NKAIN2: variants seen among roughly 807,000 people sequenced by gnomAD.
NKAIN2 encodes sodium/potassium-transporting ATPase subunit beta-1-interacting protein 2.
In NKAIN2, 14 loss-of-function variants were observed where a neutral mutation model predicts 32.6. The ratio of observed to expected loss-of-function variants is 0.43; its 90% CI spans 0.28 to 0.67. The LOEUF (loss-of-function observed/expected upper bound fraction) is 0.67. NKAIN2 is among the 30% of genes least tolerant of loss of function. The pLI is 0.17. For missense variants in NKAIN2, 198 were observed against 258.3 expected (o/e 0.77, Z 1.60); for synonymous variants, 80 against 87.2 (o/e 0.92, Z 0.46).
chr6:123,895,859 G>A (rs1175154685), intron 1 of NKAIN2, among the ~76,000 whole-genome samples: 2 of 152,034 alleles, frequency 1.3e-5, no homozygotes, highest in South Asian at 4.2e-4. Context: ...TTGATGAATC[G>A]CTATAACATT....
intron 1 of NKAIN2, among the ~76,000 whole-genome samples, chr6:124,256,363 G>T (rs1028271524): frequency 6.6e-6 from 1 of 152,092 alleles, no homozygotes; most frequent in African/African-American, 2.4e-5. Context: ...ACTTATTAAA[G>T]AATGAAAGGT....
intron 1 of NKAIN2, among the ~76,000 whole-genome samples, chr6:124,212,165 A>G (rs1400945717): frequency 6.6e-6 from 1 of 152,146 alleles, no homozygotes; most frequent in Non-Finnish European, 1.5e-5. Context: ...GACATTTGTA[A>G]TAACTTGCCT....
At chr6:124,354,844 G>GA (rs3054410) in intron 2 of NKAIN2, among the ~76,000 whole-genome samples, 1,169 of 100,740 alleles carry the variant, frequency 0.012, 30 homozygotes, top group East Asian at 0.08. Context: ...ATAACAGTAA[G>GA]AAAAAAAAAA....
intron 3 of NKAIN2, among the ~76,000 whole-genome samples, chr6:124,568,176 G>T (rs1396548509): frequency 6.6e-6 from 1 of 152,188 alleles, no homozygotes; most frequent in Non-Finnish European, 1.5e-5. Context: ...GGTTCACTTT[G>T]CCTTTTGTAG....
Position 123,921,587 on chromosome 6 carries a change from A to T in NKAIN2, c.54+117333A>T, listed in dbSNP as rs1775757556. Among the ~76,000 whole-genome samples, 3 of 152,228 alleles carry T rather than the reference A, an allele frequency of 2.0e-5. No individual in the cohort carries two copies. The South Asian group carries it at 6.2e-4, about 32-fold the overall frequency. The stretch of plus-strand genomic sequence containing the variant: ...TAGCGTTCATTACTCAGAGGGCGTA[A>T]TTCTGTGTTTTTCACTGTTCTGGTC... On this transcript the variant is annotated intron_variant, in intron 1 of 6. Coordinates refer to ENST00000368417, the MANE Select transcript of NKAIN2 (RefSeq NM_001040214.3).
chr6:124,418,034 A>G (rs1435066534), intron 3 of NKAIN2, among the ~76,000 whole-genome samples: 3 of 152,170 alleles, frequency 2.0e-5, no homozygotes, highest in Non-Finnish European at 4.4e-5. Flanking sequence ...ATTATGACCC[A>G]GGTTTGCATA....
intron 1 of NKAIN2, among the ~76,000 whole-genome samples, chr6:124,089,069 T>C (rs1010349688): frequency 6.6e-6 from 1 of 152,014 alleles, no homozygotes; most frequent in East Asian, 1.9e-4. Flanking sequence ...AGTTAACTAA[T>C]ATATAAAATT....
intron 3 of NKAIN2, among the ~76,000 whole-genome samples, chr6:124,412,417 G>T (rs570208631): frequency 6.6e-6 from 1 of 152,352 alleles, no homozygotes; most frequent in African/African-American, 2.4e-5. Flanking sequence ...CTGCAGGTCT[G>T]TTGGAGTTTG....
rs549258510 is a variant in NKAIN2 at position 124,105,531 on chromosome 6, C to A, written c.55-177474C>A. Among the ~76,000 whole-genome samples, 12 of 152,170 alleles carry A rather than the reference C, an allele frequency of 7.9e-5. No homozygotes were observed. In the South Asian group the frequency reaches 2.5e-3, roughly 32 times the overall value. On this transcript the variant is annotated intron_variant, in intron 1 of 6. Transcript: ENST00000368417. ...CTACAGTGTGACCAAATAAATTGGG[C>A]AGAGAGAGACACATGTAAGAGACTT... is the stretch of plus-strand genomic sequence containing the variant.
At chr6:124,367,847 A>G (rs946388715) in intron 3 of NKAIN2, among the ~76,000 whole-genome samples, 1 of 152,108 alleles carries the variant, frequency 6.6e-6, no homozygotes, top group South Asian at 2.1e-4. Flanking sequence ...TAACCACTTG[A>G]CCTAAGGGGC....
chr6:124,185,143 A>G (rs1301366165), intron 1 of NKAIN2, among the ~76,000 whole-genome samples: 3 of 152,196 alleles, frequency 2.0e-5, no homozygotes, highest in Admixed American at 6.5e-5. Flanking sequence ...AATGAAAGTC[A>G]TAGCAATTCT....
intron 4 of NKAIN2, among the ~76,000 whole-genome samples, chr6:124,682,321 A>G (rs1374290974): frequency 6.6e-6 from 1 of 152,184 alleles, no homozygotes; most frequent in African/African-American, 2.4e-5. Flanking sequence ...CATAAGTTAG[A>G]AAACTTCAAA....
At chr6:124,732,882 G>C (rs1776755914) in intron 4 of NKAIN2, among the ~76,000 whole-genome samples, 1 of 151,880 alleles carries the variant, frequency 6.6e-6, no homozygotes, top group African/African-American at 2.4e-5. Flanking sequence ...TAATATTTAT[G>C]TATGTCTTGT....
chr6:123,982,195 C>A (rs1468363049), intron 1 of NKAIN2, among the ~76,000 whole-genome samples: 1 of 151,858 alleles, frequency 6.6e-6, no homozygotes, highest in African/African-American at 2.4e-5. Context: ...CGAGGCAGAC[C>A]CATGTCAACC....
intron 1 of NKAIN2, among the ~76,000 whole-genome samples, chr6:124,032,410 TA>T (rs532197076): frequency 5.3e-5 from 8 of 151,882 alleles, no homozygotes; most frequent in South Asian, 2.1e-4. Context: ...TAAAGTATAT[TA>T]AAAAAAACAG....
chr6:124,092,812 G>T (rs1457851610), intron 1 of NKAIN2, among the ~76,000 whole-genome samples: 13 of 151,924 alleles, frequency 8.6e-5, no homozygotes, highest in Admixed American at 8.5e-4. Context: ...AGATAGAACT[G>T]AAAAACATCA....
intron 3 of NKAIN2, among the ~76,000 whole-genome samples, chr6:124,648,610 G>C (rs1402021615): frequency 6.6e-6 from 1 of 152,126 alleles, no homozygotes; most frequent in Non-Finnish European, 1.5e-5. Context: ...CAAGTTCATG[G>C]AGTGTGATGG....
chr6:124,455,883 G>C (rs888126336), intron 3 of NKAIN2, among the ~76,000 whole-genome samples: 1 of 151,880 alleles, frequency 6.6e-6, no homozygotes, highest in Non-Finnish European at 1.5e-5. Flanking sequence ...TAGTAGACTT[G>C]TGAGATTTCC....
At chr6:124,379,571 TCTGTGTG>T (rs1401704131) in intron 3 of NKAIN2, among the ~76,000 whole-genome samples, 16 of 152,090 alleles carry the variant, frequency 1.1e-4, no homozygotes, top group African/African-American at 3.6e-4. Flanking sequence ...GCACAGCAAT[TCTGTGTG>T]GGAAAAAGGT....
Sources: allele counts gnomAD v4.1 joint callset (sites outside exome capture counted in the v4.1 genomes callset), GRCh38; gene constraint gnomAD v4.1.1; transcripts MANE v1.5; gene names NCBI Gene and HGNC (gene_info 2026-07-23, HGNC 2026-07-21).